GLIS3: variants seen among roughly 807,000 people sequenced by gnomAD.
GLIS3 encodes the protein zinc finger protein GLIS3.
GLIS3 carries 53 observed loss-of-function variants against 78.6 expected under a neutral mutation model. The ratio of observed to expected loss-of-function variants is 0.67; its 90% CI spans 0.54 to 0.85. GLIS3 has a LOEUF of 0.85. Ranked by LOEUF, GLIS3 falls within the 40% of genes least tolerant of loss-of-function variation. The probability of loss-of-function intolerance (pLI) is 0.00; values close to 1 mark genes in which losing one functional copy is unlikely to be tolerated. For synonymous variants in GLIS3, 684 were observed against 509.9 expected (o/e 1.34, Z -4.60); for missense variants, 1,703 against 1,231.1 (o/e 1.38, Z -5.74).
intron 7 of GLIS3, among the ~76,000 whole-genome samples, chr9:3,879,883 G>A (rs1199046350): frequency 1.3e-5 from 2 of 152,096 alleles, no homozygotes; most frequent in African/African-American, 4.8e-5. Context: ...TAATTAGTCA[G>A]TCTTGTACTG....
chr9:3,831,826 A>G (rs1818060689), intron 9 of GLIS3, among the ~76,000 whole-genome samples: 1 of 152,354 alleles, frequency 6.6e-6, no homozygotes, highest in South Asian at 2.1e-4. Flanking sequence ...CAACATGGAA[A>G]GACCATTATA....
At chr9:4,007,796 G>A (rs1252594494) in intron 4 of GLIS3, among the ~76,000 whole-genome samples, 1 of 148,978 alleles carries the variant, frequency 6.7e-6, no homozygotes. Flanking sequence ...GTGCTCTCTT[G>A]CTTTGGAAGG....
intron 7 of GLIS3, among the ~76,000 whole-genome samples, chr9:3,897,866 A>T (rs957302765): frequency 2.6e-5 from 4 of 152,226 alleles, no homozygotes; most frequent in Non-Finnish European, 4.4e-5. Flanking sequence ...TGGCTCTGGA[A>T]TCAGATGGGG....
chr9:4,027,119 C>T (rs952098274), intron 4 of GLIS3, among the ~76,000 whole-genome samples: 2 of 152,202 alleles, frequency 1.3e-5, no homozygotes, highest in African/African-American at 4.8e-5. Flanking sequence ...CACAACCTGA[C>T]CGACTGCAGT....
At chr9:3,849,867 C>T (rs1482588818) in intron 9 of GLIS3, among the ~76,000 whole-genome samples, 1 of 151,766 alleles carries the variant, frequency 6.6e-6, no homozygotes, top group East Asian at 1.9e-4. Flanking sequence ...ATAGATTGCG[C>T]CACTGCACCC....
chr9:4,149,016 T>A (rs1366128246), intron 2 of GLIS3, among the ~76,000 whole-genome samples: 1 of 152,162 alleles, frequency 6.6e-6, no homozygotes, highest in Non-Finnish European at 1.5e-5. Flanking sequence ...ATAACAAACC[T>A]CTGTCTCCTC....
At chr9:4,344,316 A>T (rs909983800) in intron 2 of GLIS3, among the ~76,000 whole-genome samples, 1 of 152,214 alleles carries the variant, frequency 6.6e-6, no homozygotes, top group Non-Finnish European at 1.5e-5. Context: ...TGGTAAAGCC[A>T]GCAGTCAATT....
intron 9 of GLIS3, among the ~76,000 whole-genome samples, chr9:3,841,577 A>G (rs1490196542): frequency 6.6e-6 from 1 of 152,202 alleles, no homozygotes; most frequent in African/African-American, 2.4e-5. Flanking sequence ...TCACCTGCCA[A>G]CTACTCCCTA....
At chr9:4,130,025 G>A (rs1004940354) in intron 2 of GLIS3, among the ~76,000 whole-genome samples, 1 of 152,228 alleles carries the variant, frequency 6.6e-6, no homozygotes, top group Admixed American at 6.5e-5. Flanking sequence ...CAGTGAGGTT[G>A]TAGGCATTGT....
intron 4 of GLIS3, among the ~76,000 whole-genome samples, chr9:4,098,280 T>C (rs1480480502): frequency 6.6e-6 from 1 of 152,218 alleles, no homozygotes; most frequent in Non-Finnish European, 1.5e-5. Context: ...CACAAAGCCA[T>C]GTCATTCACT....
At chr9:4,354,639 C>A in the GLIS3 span, among the ~76,000 whole-genome samples, 1 of 152,156 alleles carries the variant, frequency 6.6e-6, no homozygotes, top group Non-Finnish European at 1.5e-5. Context: ...ATTCAAGGGG[C>A]TTTCTCGAGC....
At chr9:4,043,929 T>C (rs1046679394) in intron 4 of GLIS3, among the ~76,000 whole-genome samples, 2 of 152,216 alleles carry the variant, frequency 1.3e-5, no homozygotes, top group African/African-American at 4.8e-5. Context: ...CAGCAGAACC[T>C]GACACCTGCA....
intron 4 of GLIS3, among the ~76,000 whole-genome samples, chr9:4,017,070 C>CT: frequency 6.6e-6 from 1 of 152,284 alleles, no homozygotes; most frequent in Admixed American, 6.5e-5. Context: ...GCAGTTTGGC[C>CT]TTTATTCTCT....
At chr9:4,085,077 A>T (rs914716380) in intron 4 of GLIS3, among the ~76,000 whole-genome samples, 1 of 152,108 alleles carries the variant, frequency 6.6e-6, no homozygotes, top group African/African-American at 2.4e-5. Flanking sequence ...CAGAAACAAC[A>T]AAACAGCTTG....
At chr9:4,280,350 T>C (rs67780794) in intron 2 of GLIS3, among the ~76,000 whole-genome samples, 6,977 of 152,250 alleles carry the variant, frequency 0.046, 341 homozygotes, top group African/African-American at 0.12. Context: ...TAACTATATA[T>C]AAATAATACT....
intron 4 of GLIS3, among the ~76,000 whole-genome samples, chr9:4,024,400 C>A (rs1029494191): frequency 6.6e-6 from 1 of 152,064 alleles, no homozygotes; most frequent in Admixed American, 6.6e-5. Context: ...TTTTCTGCAT[C>A]CCTGTAGGAA....
chr9:4,021,180 T>C (rs772972948), intron 4 of GLIS3, among the ~76,000 whole-genome samples: 3 of 152,090 alleles, frequency 2.0e-5, no homozygotes, highest in African/African-American at 4.8e-5. Context: ...TATGTATATG[T>C]ATATGTGTAT....
At chr9:4,078,996 C>G (rs1019279944) in intron 4 of GLIS3, among the ~76,000 whole-genome samples, 1 of 152,138 alleles carries the variant, frequency 6.6e-6, no homozygotes, top group Non-Finnish European at 1.5e-5. Flanking sequence ...TACAGCCTTC[C>G]TTCTTTAGGA....
At chr9:4,258,818 C>G (rs1284344550) in intron 2 of GLIS3, among the ~76,000 whole-genome samples, 5 of 152,170 alleles carry the variant, frequency 3.3e-5, no homozygotes, top group Admixed American at 2.6e-4. Context: ...ACTGCACTAC[C>G]CCAGCAGGAC....
Sources: allele counts gnomAD v4.1 joint callset (sites outside exome capture counted in the v4.1 genomes callset), GRCh38; gene constraint gnomAD v4.1.1; transcripts MANE v1.5; gene names NCBI Gene and HGNC (gene_info 2026-07-23, HGNC 2026-07-21).